Variants in ABCA9 observed in about 807,000 individuals in gnomAD.
ABCA9 encodes the protein ATP binding cassette subfamily A member 9, also known as ATP-binding cassette sub-family A member 9.
A neutral mutation model predicts 205.3 loss-of-function variants in ABCA9; 183 were observed. The observed-to-expected ratio is 0.89, with a 90% CI of 0.79 to 1.01. ABCA9 has a LOEUF of 1.01. ABCA9 is among the 50% of genes least tolerant of loss of function. The pLI is 0.00. For synonymous variants in ABCA9, 651 were observed against 683.3 expected (o/e 0.95, Z 0.74); for missense variants, 1,805 against 1,912.4 (o/e 0.94, Z 1.05).
At position 68,979,585 on chromosome 17, in the gene ABCA9, G is replaced by A. The variant is rs957876465; in HGVS notation, c.4720+2977C>T. Among the ~76,000 whole-genome samples the A allele has an allele frequency of 2.0e-5, 3 of 151,034 alleles. No individual in the cohort carries two copies. In the East Asian group the frequency reaches 5.8e-4, roughly 29 times the overall value. On this transcript the variant is annotated intron_variant, in intron 37 of 38. Transcript: ENST00000340001. Reference sequence around the variant, plus strand: ...AGAATGGTACTGGTACCAAAACAGAGATATAGATCAATGGAACAGAACAGA... The same window carrying A: ...AGAATGGTACTGGTACCAAAACAGAAATATAGATCAATGGAACAGAACAGA...
intron 26 of ABCA9, among the ~76,000 whole-genome samples, chr17:68,994,862 G>A (rs11650611): frequency 0.039 from 5,950 of 152,182 alleles, 157 homozygotes; most frequent in Non-Finnish European, 0.06. Context: ...TCCAGCATGA[G>A]TTTCTCTAAC....
At chr17:68,981,131 A>C (rs2069038387) in intron 37 of ABCA9, among the ~76,000 whole-genome samples, 1 of 151,996 alleles carries the variant, frequency 6.6e-6, no homozygotes, top group South Asian at 2.1e-4. Context: ...GGAAGGCAAC[A>C]ATAGAGGGTA....
rs941035452 is a variant in ABCA9 at position 68,975,103 on chromosome 17, G to A, written c.*812C>T. 4 of 152,088 alleles carry A rather than the reference G, an allele frequency of 2.6e-5. No individual in the cohort carries two copies. The highest frequency in any genetic ancestry group is 9.7e-5 in the African/African-American group (4 of 41,390). The allele number at this position is 152,088 out of a possible 1,614,324, so 9.4% of individuals were successfully genotyped here. On this transcript the variant is annotated 3_prime_UTR_variant, in exon 39 of 39. Coordinates refer to ENST00000340001, the MANE Select transcript of ABCA9 (RefSeq NM_080283.4). Reference sequence around the variant, plus strand: ...CCACTTATGAGTGAGAACATGCGGTGTTTGGTTTTCTGTTCCTGTGTTAGT... The same window carrying A: ...CCACTTATGAGTGAGAACATGCGGTATTTGGTTTTCTGTTCCTGTGTTAGT...
intron 3 of ABCA9, among the ~76,000 whole-genome samples, chr17:69,045,832 C>T (rs1179526276): frequency 1.3e-5 from 2 of 152,100 alleles, no homozygotes; most frequent in African/African-American, 4.8e-5. Flanking sequence ...GAGAAACCAC[C>T]CCCATAATCC....
chr17:69,078,908 C>G, the ABCA9 span: 5 of 885,620 alleles, frequency 5.6e-6, no homozygotes, highest in Admixed American at 8.4e-5. Context: ...ATTAAACATA[C>G]TATTAATTAT....
upstream of ABCA9, among the ~76,000 whole-genome samples, chr17:69,061,639 C>T (rs564325372): frequency 6.6e-6 from 1 of 152,174 alleles, no homozygotes; most frequent in Non-Finnish European, 1.5e-5. Flanking sequence ...TGCAACGGTT[C>T]CCATGAAACA....
chr17:69,063,372 A>C (rs2072302451), upstream of ABCA9, among the ~76,000 whole-genome samples: 1 of 152,206 alleles, frequency 6.6e-6, no homozygotes, highest in African/African-American at 2.4e-5. Context: ...TTGTCACCCC[A>C]AGACCTGTGT....
chr17:69,014,520 T>C (rs1277626568), intron 22 of ABCA9, among the ~76,000 whole-genome samples: 5 of 152,158 alleles, frequency 3.3e-5, no homozygotes, highest in Admixed American at 3.3e-4. Flanking sequence ...TAGTAACAAC[T>C]ATTTCAAAGT....
chr17:69,022,721 C>CCT (rs139059754), intron 17 of ABCA9, among the ~76,000 whole-genome samples: 12,459 of 152,096 alleles, frequency 0.082, 1,670 homozygotes, highest in African/African-American at 0.28. Context: ...CTTTGCACCT[C>CCT]CTCTCTCTGT....
rs533350386 is a variant in ABCA9, at chr17:69,023,992, G to A, written c.2281+222C>T. 6.7e-6 allele frequency among the ~76,000 whole-genome samples: 1 copy of A among 148,750 alleles called. No individual in the cohort carries two copies. The highest frequency in any genetic ancestry group is 2.1e-4 in the South Asian group (1 of 4,784). ...CCTCTTAATTGCACTTAATTGACTT[G>A]AAGCATATTTAACATCTACATGCCT... On this transcript the variant is annotated intron_variant, in intron 17 of 38. Transcript: ENST00000340001. This position sits in a 1 kb window ranked among gnomAD's most constrained non-coding sequence, Gnocchi z 4.2.
In ABCA9 at chr17:69,017,702, T is replaced by C. The variant is rs2070669618; in HGVS notation, c.2855A>G (p.Asp952Gly). 2 of 1,613,450 alleles carry C rather than the reference T, an allele frequency of 1.2e-6. No individual in the cohort carries two copies. Among genetic ancestry groups the C allele is most frequent in the Admixed American group, 1.7e-5 (1 of 59,976 alleles). The stretch of plus-strand genomic sequence containing the variant: ...GATAGCACCATTGTAAGATGGGTCA[T>C]CTGTGCCATTTCTAGTTCCAAAGGC... ...VDAFGTRNGT[D>G]DPSYNGAIIV... Residue 952 changes from aspartate to glycine, a missense_variant, in exon 21 of 39, where the codon GAT becomes GGT. Asp to Gly is a moderately conservative substitution (Grantham distance 94). Transcript: ENST00000340001.
intron 25 of ABCA9, among the ~76,000 whole-genome samples, chr17:68,997,704 C>A (rs1338526384): frequency 2.0e-5 from 3 of 150,854 alleles, no homozygotes; most frequent in Non-Finnish European, 2.9e-5. Context: ...TTCTCATATA[C>A]CCACTGCCCT....
chr17:69,022,227 A>G (rs2070835803), intron 17 of ABCA9: 1 of 152,274 alleles, frequency 6.6e-6, no homozygotes, highest in Admixed American at 6.5e-5. Context: ...TCTTGTTGAG[A>G]TTAATTATTA....
intron 19 of ABCA9, among the ~76,000 whole-genome samples, 189 bp downstream of exon 19, chr17:69,020,199 C>T (rs2070766213): frequency 6.6e-6 from 1 of 152,076 alleles, no homozygotes; most frequent in Non-Finnish European, 1.5e-5. Context: ...ACAATCCCAA[C>T]CCGTATCTGT....
At chr17:69,038,468 A>C (rs1268578212) in intron 6 of ABCA9, among the ~76,000 whole-genome samples, 1 of 152,180 alleles carries the variant, frequency 6.6e-6, no homozygotes, top group Non-Finnish European at 1.5e-5. Flanking sequence ...CACAAAAACC[A>C]CATGATTATC....
chr17:69,046,670 CATA>C (rs1343463418), intron 3 of ABCA9, among the ~76,000 whole-genome samples: 1 of 151,408 alleles, frequency 6.6e-6, no homozygotes, highest in African/African-American at 2.4e-5. Flanking sequence ...TGCTATTTTC[CATA>C]ATAAGAACTC....
Position 68,984,975 on chromosome 17 carries a change from C to A in ABCA9, c.4289G>T (p.Cys1430Phe), listed in dbSNP as rs1481872525. The A allele has an allele frequency of 1.9e-6, 3 of 1,614,070 alleles. No individual in the cohort carries two copies. Among genetic ancestry groups the A allele is most frequent in the Non-Finnish European group, 2.5e-6 (3 of 1,180,054 alleles). Residue 1430 changes from cysteine (C) to phenylalanine (F), a missense_variant, in exon 34 of 39, where the codon TGC becomes TTC. Physicochemically the swap from Cys to Phe is radical, Grantham distance 205. Coordinates refer to ENST00000340001, the MANE Select transcript of ABCA9 (RefSeq NM_080283.4). ...TLSEGIKRKL[C>F]FVLSILGNPS... ...GTTCCCCAGGATGCTCAGCACAAAGCACAGCTGCAACGGGAGGAACAGCCC... is the reference window on the plus strand; with the variant it reads ...GTTCCCCAGGATGCTCAGCACAAAGAACAGCTGCAACGGGAGGAACAGCCC...
intron 31 of ABCA9, among the ~76,000 whole-genome samples, chr17:68,987,064 T>C (rs1310634202): frequency 6.6e-6 from 1 of 152,262 alleles, no homozygotes; most frequent in Non-Finnish European, 1.5e-5. Context: ...GTGCTTCCTA[T>C]GTGCCAGAAT....
chr17:69,066,230 C>T, the ABCA9 span, among the ~76,000 whole-genome samples: 2 of 152,160 alleles, frequency 1.3e-5, no homozygotes. Context: ...ATTTCTCCCA[C>T]ACCATAGATT....
Sources: gnomAD v4.1 joint callset for allele counts (sites outside exome capture counted in the v4.1 genomes callset) on GRCh38, gnomAD v4.1.1 for gene constraint, Gnocchi (gnomAD v3.1) non-coding constraint, MANE v1.5 for transcripts, NCBI Gene and HGNC (gene_info 2026-07-23, HGNC 2026-07-21) for gene names.